LY6S: variants seen among roughly 807,000 people sequenced by gnomAD.
LY6S encodes lymphocyte antigen 6 family member S, also known as lymphocyte antigen 6S.
At chr8:143,076,187 C>T in the LY6S span, among the ~76,000 whole-genome samples, 2,859 of 152,278 alleles carry the variant, frequency 0.019, 83 homozygotes, top group African/African-American at 0.065. Context: ...TCACTAAACC[C>T]AAAGTCAGAA....
chr8:143,049,989 C>A, the LY6S span, among the ~76,000 whole-genome samples: 1 of 152,180 alleles, frequency 6.6e-6, no homozygotes, highest in African/African-American at 2.4e-5. Flanking sequence ...GGGAGAAACA[C>A]CCTGTCTGGT....
the LY6S span, among the ~76,000 whole-genome samples, chr8:143,057,393 G>T: frequency 6.6e-6 from 1 of 152,082 alleles, no homozygotes; most frequent in Non-Finnish European, 1.5e-5. Flanking sequence ...GAGACTACAG[G>T]CGCCTGCCAC....
chr8:143,060,855 A>G, the LY6S span, among the ~76,000 whole-genome samples: 1 of 152,192 alleles, frequency 6.6e-6, no homozygotes, highest in African/African-American at 2.4e-5. Flanking sequence ...TAAGTCAAAG[A>G]TGCATATTGT....
At chr8:143,065,699 G>A in the LY6S span, among the ~76,000 whole-genome samples, 267 of 152,166 alleles carry the variant, frequency 1.8e-3, 1 homozygote, top group Admixed American at 0.015. Context: ...CATGCCGGGC[G>A]CAGGACTTGT....
the LY6S span, among the ~76,000 whole-genome samples, chr8:143,063,666 A>C: frequency 2.6e-5 from 4 of 152,144 alleles, no homozygotes. Context: ...ATAATTTCTA[A>C]GTGATTGTGC....
At chr8:143,072,368 G>C in the LY6S span, among the ~76,000 whole-genome samples, 1 of 142,010 alleles carries the variant, frequency 7.0e-6, no homozygotes, top group Non-Finnish European at 1.5e-5. Flanking sequence ...TGAGGAGACA[G>C]CCGTCGTCCT....
chr8:143,049,645 G>A, the LY6S span, among the ~76,000 whole-genome samples: 6 of 152,132 alleles, frequency 3.9e-5, no homozygotes. Flanking sequence ...ACCTCCTTCC[G>A]ACTCCCCAGC....
chr8:143,050,449 G>A, the LY6S span, among the ~76,000 whole-genome samples: 1 of 152,040 alleles, frequency 6.6e-6, no homozygotes, highest in African/African-American at 2.4e-5. Context: ...CTAAAGTGCT[G>A]GGATTACAGG....
chr8:143,060,431 G>A, the LY6S span, among the ~76,000 whole-genome samples: 1 of 152,230 alleles, frequency 6.6e-6, no homozygotes, highest in Non-Finnish European at 1.5e-5. Flanking sequence ...AGCAGTAGCA[G>A]AATTAGTGAA....
chr8:143,047,613 C>T, the LY6S span: 1 of 152,336 alleles, frequency 6.6e-6, no homozygotes, highest in Admixed American at 6.5e-5. Context: ...ATCCCCCCTC[C>T]CAACTACAGA....
the LY6S span, among the ~76,000 whole-genome samples, chr8:143,049,551 C>T: frequency 1.2e-4 from 18 of 152,188 alleles, no homozygotes; most frequent in Admixed American, 2.6e-4. Flanking sequence ...CAGACCCATG[C>T]GAAGACCCTC....
the LY6S span, among the ~76,000 whole-genome samples, chr8:143,072,923 C>T: frequency 6.6e-5 from 4 of 60,580 alleles, no homozygotes; most frequent in South Asian, 7.8e-4. Context: ...CCGTCATCCC[C>T]GGGGTTCCTG....
the LY6S span, among the ~76,000 whole-genome samples, chr8:143,065,330 A>G: frequency 0.22 from 33,379 of 152,004 alleles, 5,229 homozygotes; most frequent in African/African-American, 0.43. Context: ...CCCCTGGGGA[A>G]CAGGACAGAC....
At chr8:143,057,103 G>A in the LY6S span, 3 of 318,106 alleles carry the variant, frequency 9.4e-6, no homozygotes, top group Admixed American at 6.7e-5. Flanking sequence ...TGCAACTTTA[G>A]TTGGTAGGAA....
chr8:143,069,225 G>A, the LY6S span, among the ~76,000 whole-genome samples: 1 of 152,320 alleles, frequency 6.6e-6, no homozygotes, highest in African/African-American at 2.4e-5. Context: ...AAGTCCAGAC[G>A]CTTCCGCAGT....
chr8:143,045,857 A>ATT, the LY6S span, among the ~76,000 whole-genome samples: 1,992 of 148,032 alleles, frequency 0.013, 33 homozygotes, highest in East Asian at 0.071. The surrounding 1 kb of genome is among the most constrained non-coding windows in gnomAD (Gnocchi z 5.3). Flanking sequence ...CAATTTACTC[A>ATT]TTTTTTTTTT....
the LY6S span, chr8:143,043,135 A>G: frequency 3.9e-5 from 53 of 1,367,432 alleles, no homozygotes; most frequent in Non-Finnish European, 5.2e-5. Context: ...AGCAGGGCCC[A>G]GAGGAAGACT....
the LY6S span, chr8:143,057,763 A>G: frequency 5.1e-6 from 4 of 786,020 alleles, no homozygotes; most frequent in East Asian, 7.3e-5. Flanking sequence ...GATCAGCTCT[A>G]TCTAGGGCTT....
the LY6S span, among the ~76,000 whole-genome samples, chr8:143,043,736 G>T: frequency 0.01 from 1,544 of 152,134 alleles, 20 homozygotes; most frequent in African/African-American, 0.035. Context: ...AGTGCAATGG[G>T]GCGATCTCTG....
Sources: allele counts gnomAD v4.1 joint callset (sites outside exome capture counted in the v4.1 genomes callset), GRCh38; gene constraint gnomAD v4.1.1; non-coding constraint Gnocchi (gnomAD v3.1); transcripts MANE v1.5; gene names NCBI Gene and HGNC (gene_info 2026-07-23, HGNC 2026-07-21).